The following NRG3 variants were observed in gnomAD, a reference collection of about 807,000 sequenced individuals.
The protein encoded by NRG3 is neuregulin 3.
A neutral mutation model predicts 66.9 loss-of-function variants in NRG3; 31 were observed. The observed-to-expected ratio is 0.46, with a 90% CI of 0.35 to 0.63. The LOEUF is 0.63. Ranked by LOEUF, NRG3 falls within the 20% of genes least tolerant of loss-of-function variation. The probability of loss-of-function intolerance (pLI) is 0.00; values close to 1 mark genes in which losing one functional copy is unlikely to be tolerated. For missense variants in NRG3, 910 were observed against 878.9 expected, an observed-to-expected ratio of 1.04 and a Z score of -0.45; for synonymous variants, 393 against 359.4, an observed-to-expected ratio of 1.09 and a Z score of -1.06.
At chr10:81,895,577 A>G (rs1021581442) in intron 1 of NRG3, among the ~76,000 whole-genome samples, 3 of 152,196 alleles carry the variant, frequency 2.0e-5, no homozygotes, top group Admixed American at 6.5e-5. Flanking sequence ...TGCCTGTAAT[A>G]GTTGTTTTTC....
chr10:82,557,837 GAAGT>G (rs1457483731), intron 2 of NRG3, among the ~76,000 whole-genome samples: 1 of 152,192 alleles, frequency 6.6e-6, no homozygotes, highest in African/African-American at 2.4e-5. Context: ...TCAGTGAGGT[GAAGT>G]AAGTTTCCCA....
chr10:82,966,835 C>T (rs901971237), intron 6 of NRG3, among the ~76,000 whole-genome samples: 1 of 152,182 alleles, frequency 6.6e-6, no homozygotes, highest in African/African-American at 2.4e-5. Flanking sequence ...ACGTTCTCAT[C>T]AGTTTTTTCT....
intron 1 of NRG3, among the ~76,000 whole-genome samples, chr10:82,162,908 C>T (rs549317422): frequency 6.6e-6 from 1 of 152,270 alleles, no homozygotes; most frequent in Non-Finnish European, 1.5e-5. Flanking sequence ...GAATCTCCTC[C>T]TCTAATTAAC....
intron 3 of NRG3, among the ~76,000 whole-genome samples, chr10:82,740,949 A>G (rs2058397890): frequency 6.6e-6 from 1 of 152,180 alleles, no homozygotes; most frequent in Non-Finnish European, 1.5e-5. Flanking sequence ...CAAATGTAGA[A>G]AAGAAATACA....
chr10:82,021,422 A>G (rs2062054754), intron 1 of NRG3, among the ~76,000 whole-genome samples: 1 of 152,116 alleles, frequency 6.6e-6, no homozygotes, highest in Non-Finnish European at 1.5e-5. Context: ...AAACAAGTTA[A>G]TTTTTCCTGG....
chr10:82,258,376 T>C (rs763012150), intron 1 of NRG3, among the ~76,000 whole-genome samples: 1 of 152,196 alleles, frequency 6.6e-6, no homozygotes, highest in African/African-American at 2.4e-5. Context: ...ATTATTCTCC[T>C]GTGAAGTTTT....
chr10:82,321,231 A>G (rs1041930534), intron 1 of NRG3, among the ~76,000 whole-genome samples: 57 of 151,104 alleles, frequency 3.8e-4, no homozygotes, highest in African/African-American at 1.1e-3. Context: ...CTCCCCCTCC[A>G]GTAAAGGGTT....
chr10:82,803,588 A>C (rs924425940), intron 3 of NRG3, among the ~76,000 whole-genome samples: 2 of 152,140 alleles, frequency 1.3e-5, no homozygotes, highest in Non-Finnish European at 1.5e-5. Context: ...TTTTGACTTT[A>C]TGAGAGAATC....
chr10:82,672,542 G>A (rs2053364947), intron 2 of NRG3, among the ~76,000 whole-genome samples: 1 of 152,190 alleles, frequency 6.6e-6, no homozygotes, highest in African/African-American at 2.4e-5. Flanking sequence ...ACTAATTACA[G>A]CAGCTTGGGT....
intron 1 of NRG3, among the ~76,000 whole-genome samples, chr10:82,319,934 G>A (rs2081479808): frequency 6.6e-6 from 1 of 152,214 alleles, no homozygotes; most frequent in Non-Finnish European, 1.5e-5. Context: ...GCTCTGGACT[G>A]GAGAATGTGG....
intron 2 of NRG3, among the ~76,000 whole-genome samples, chr10:82,585,364 A>G (rs999865547): frequency 6.6e-6 from 1 of 152,214 alleles, no homozygotes; most frequent in African/African-American, 2.4e-5. Context: ...AGTATAACCT[A>G]TCTGAACTCT....
chr10:82,385,575 A>G (rs1206335542), intron 2 of NRG3, among the ~76,000 whole-genome samples: 2 of 152,156 alleles, frequency 1.3e-5, no homozygotes, highest in Admixed American at 6.5e-5. Context: ...ATTGAATTAG[A>G]TTAAGCGTAA....
intron 2 of NRG3, among the ~76,000 whole-genome samples, chr10:82,716,323 G>A (rs1318352237): frequency 6.6e-6 from 1 of 152,012 alleles, no homozygotes; most frequent in African/African-American, 2.4e-5. Flanking sequence ...CATCTATATA[G>A]ACACTTCCCC....
chr10:82,937,674 A>T (rs1848215861), intron 4 of NRG3, among the ~76,000 whole-genome samples: 1 of 152,190 alleles, frequency 6.6e-6, no homozygotes, highest in Non-Finnish European at 1.5e-5. Context: ...AACAGAAGTG[A>T]GGTACAGAAA....
At chr10:82,476,891 A>C (rs913064994) in intron 2 of NRG3, among the ~76,000 whole-genome samples, 26 of 152,308 alleles carry the variant, frequency 1.7e-4, no homozygotes, top group Middle Eastern at 3.4e-3. Context: ...AAAATAGTAA[A>C]GTTTTTTGAA....
intron 3 of NRG3, among the ~76,000 whole-genome samples, chr10:82,792,158 A>G (rs546458897): frequency 1.3e-5 from 2 of 152,036 alleles, no homozygotes; most frequent in South Asian, 2.1e-4. Flanking sequence ...AAAAAAGTTG[A>G]TTTTTTTTAC....
chr10:82,960,193 C>A (rs1850489205), intron 6 of NRG3, among the ~76,000 whole-genome samples: 1 of 152,208 alleles, frequency 6.6e-6, no homozygotes, highest in African/African-American at 2.4e-5. Context: ...AGTCTCTTCC[C>A]AGGCAAGTTT....
intron 1 of NRG3, among the ~76,000 whole-genome samples, chr10:82,234,098 A>G (rs978516048): frequency 5.9e-5 from 9 of 152,244 alleles, no homozygotes; most frequent in Non-Finnish European, 1.2e-4. Context: ...ATTGATTTCT[A>G]GCTGTATTCA....
At position 82,954,553 on chromosome 10, in the gene NRG3, A is replaced by C. The variant is rs145613726; in HGVS notation, c.1157+2982A>C. Among the ~76,000 whole-genome samples the C allele has an allele frequency of 2.0e-3, 299 of 152,068 alleles. 2 individuals are homozygous for C. Among genetic ancestry groups the C allele is most frequent in the Middle Eastern group, 0.017 (5 of 294 alleles). Reference sequence around the variant, plus strand: ...CCTGGGACACAGTTTTATTTAAAAAATGAATCAATTAATAACTAAAGGCAA... The same window carrying C: ...CCTGGGACACAGTTTTATTTAAAAACTGAATCAATTAATAACTAAAGGCAA... On this transcript the variant is annotated intron_variant, in intron 5 of 8. Coordinates refer to ENST00000372141, the MANE Select transcript of NRG3 (RefSeq NM_001010848.4).
Sources: allele counts gnomAD v4.1 joint callset (sites outside exome capture counted in the v4.1 genomes callset), GRCh38; gene constraint gnomAD v4.1.1; transcripts MANE v1.5; gene names NCBI Gene and HGNC (gene_info 2026-07-23, HGNC 2026-07-21).